The following NCS1 variants were observed in gnomAD, a reference collection of about 807,000 sequenced individuals.
NCS1 encodes the protein neuronal calcium sensor 1.
In NCS1, 6 loss-of-function variants were observed where a neutral mutation model predicts 28.4. The observed-to-expected ratio is 0.21, with a 90% CI of 0.12 to 0.42. The LOEUF (loss-of-function observed/expected upper bound fraction) is 0.42. Among genes scored for constraint, NCS1 ranks in the 10% least tolerant of loss-of-function variants. NCS1 has a pLI of 1.00. For missense variants in NCS1, 131 were observed against 241.4 expected (o/e 0.54, Z 3.03); for synonymous variants, 86 against 99.3 (o/e 0.87, Z 0.79).
intron 2 of NCS1, among the ~76,000 whole-genome samples, chr9:130,208,623 T>C (rs1452258579): frequency 6.6e-6 from 1 of 152,138 alleles, no homozygotes; most frequent in Non-Finnish European, 1.5e-5. Context: ...CCTAGCAATA[T>C]GATAGCAAAA....
rs1467525088 is a variant in NCS1 at position 130,234,684 on chromosome 9, C to A, written c.*1712C>A. 1 of 152,220 alleles carries A rather than the reference C, an allele frequency of 6.6e-6. No individual in the cohort carries two copies. The highest frequency in any genetic ancestry group is 2.4e-5 in the African/African-American group (1 of 41,428). 9.4% of individuals were successfully genotyped at this position (152,220 alleles called of 1,614,324 possible). On this transcript the variant is annotated 3_prime_UTR_variant, in exon 8 of 8. Coordinates refer to ENST00000372398, the MANE Select transcript of NCS1 (RefSeq NM_014286.4). This position sits in a 1 kb window ranked among gnomAD's most constrained non-coding sequence, Gnocchi z 6.1. ...CTGAGTCACAGCACAGCCCCTATTG[C>A]GTGGCTGCTGGTGTGTGGGGTCAGT...
intron 1 of NCS1, among the ~76,000 whole-genome samples, chr9:130,187,126 T>C (rs1446326546): frequency 6.6e-6 from 1 of 151,834 alleles, no homozygotes; most frequent in Non-Finnish European, 1.5e-5. Context: ...AGGAGGAGTG[T>C]CTCGGAAAGC....
At chr9:130,216,101 G>A (rs1358728692) in intron 2 of NCS1, among the ~76,000 whole-genome samples, 3 of 152,180 alleles carry the variant, frequency 2.0e-5, no homozygotes, top group Admixed American at 2.0e-4. Flanking sequence ...ATCCATTCCA[G>A]CCCCTTAGAT....
Position 130,191,343 on chromosome 9 carries a change from C to T in NCS1, c.65-9615C>T, listed in dbSNP as rs1220651258. Among the ~76,000 whole-genome samples the T allele has an allele frequency of 6.6e-6, 1 of 152,088 alleles. No homozygotes were observed. The highest frequency in any genetic ancestry group is 2.4e-5 in the African/African-American group (1 of 41,418). The stretch of plus-strand genomic sequence containing the variant: ...GGGCTGAAGGTTACCTGGCCTGGCC[C>T]GAGTCTGCCCTCCGGGGCCAGGGAC... On this transcript the variant is annotated intron_variant, in intron 1 of 7. Transcript: ENST00000372398. The surrounding 1 kb of genome is among the most constrained non-coding windows in gnomAD (Gnocchi z 6.4).
chr9:130,190,032 A>AAGAGAGAGAGAGAGAGAGAGAGAGAG (rs34529294), intron 1 of NCS1, among the ~76,000 whole-genome samples: 7 of 120,506 alleles, frequency 5.8e-5, no homozygotes, highest in African/African-American at 1.3e-4. Flanking sequence ...ATGTTTATGC[A>AAGAGAGAGAGAGAGAGAGAGAGAGAG]AGAGAGAGAG....
chr9:130,227,885 A>C lies in NCS1; in HGVS notation c.*17+1381A>C, dbSNP rs116198984. ...AGGTCTATCCTGGATTTAGCAGTGC[A>C]AGTTCCCTGTTCTAGGAAACTTCTC... On this transcript the variant is annotated intron_variant, in intron 7 of 7. Coordinates refer to ENST00000372398, the MANE Select transcript of NCS1 (RefSeq NM_014286.4). 6.9e-3 allele frequency among the ~76,000 whole-genome samples: 1,050 copies of C among 152,302 alleles called. 12 individuals carry two copies. The highest frequency in any genetic ancestry group is 0.024 in the African/African-American group (1,015 of 41,548).
rs1216158237 is a variant in NCS1, at chr9:130,191,952, G to T, written c.65-9006G>T. 2.0e-5 allele frequency among the ~76,000 whole-genome samples: 3 copies of T among 152,218 alleles called. No homozygotes were observed. The highest frequency in any genetic ancestry group is 4.4e-5 in the Non-Finnish European group (3 of 68,044). On this transcript the variant is annotated intron_variant, in intron 1 of 7. Transcript: ENST00000372398. The surrounding 1 kb of genome is among the most constrained non-coding windows in gnomAD (Gnocchi z 6.4). ...CTCCCACAGTGGGGACACGTGATGG[G>T]GGGCTGGAGGGCAGAAGGGCTGGGG... is the stretch of plus-strand genomic sequence containing the variant.
chr9:130,222,840 G>A, intron 5 of NCS1, 102 bp downstream of exon 5: 2 of 1,259,324 alleles, frequency 1.6e-6, no homozygotes, highest in Non-Finnish European at 2.3e-6. Context: ...CCTGCCCAGG[G>A]TGGAAGCAGG....
intron 1 of NCS1, among the ~76,000 whole-genome samples, chr9:130,178,380 C>A (rs1832604600): frequency 6.6e-6 from 1 of 152,248 alleles, no homozygotes; most frequent in Non-Finnish European, 1.5e-5. Flanking sequence ...TTAAATGGGA[C>A]CCAGCTTCTC....
chr9:130,217,033 C>G (rs1554909499), intron 2 of NCS1, among the ~76,000 whole-genome samples: 1 of 152,142 alleles, frequency 6.6e-6, no homozygotes, highest in Non-Finnish European at 1.5e-5. Context: ...TTGTGCTAAG[C>G]CCTGTGGTTA....
At chr9:130,182,626 C>T (rs561887114) in intron 1 of NCS1, among the ~76,000 whole-genome samples, 1 of 152,312 alleles carries the variant, frequency 6.6e-6, no homozygotes, top group African/African-American at 2.4e-5. Context: ...CTGGCCTCAA[C>T]GGCTTCCTCA....
intron 2 of NCS1, among the ~76,000 whole-genome samples, chr9:130,203,078 GTGTA>G (rs1462460271): frequency 7.7e-6 from 1 of 130,336 alleles, no homozygotes; most frequent in Non-Finnish European, 1.7e-5. Flanking sequence ...GTGTGTGTGT[GTGTA>G]TACACATACA....
intron 1 of NCS1, among the ~76,000 whole-genome samples, chr9:130,197,501 C>G (rs1554906967): frequency 2.6e-5 from 4 of 152,192 alleles, no homozygotes; most frequent in Non-Finnish European, 5.9e-5. Context: ...CTGGTCGCCT[C>G]TCCACCCCGG....
intron 1 of NCS1, 58 bp downstream of exon 1, chr9:130,172,785 C>A: frequency 1.1e-6 from 1 of 952,362 alleles, no homozygotes; most frequent in Non-Finnish European, 1.4e-6. Context: ...CCACCGCCCC[C>A]GCCCCCGCCC....
chr9:130,184,587 G>A (rs575617390), intron 1 of NCS1, among the ~76,000 whole-genome samples: 35 of 152,238 alleles, frequency 2.3e-4, no homozygotes, highest in African/African-American at 7.7e-4. Flanking sequence ...GCCATGCAGC[G>A]TGCTAGGGCA....
At chr9:130,176,522 A>G (rs1832573983) in intron 1 of NCS1, among the ~76,000 whole-genome samples, 1 of 152,146 alleles carries the variant, frequency 6.6e-6, no homozygotes, top group Non-Finnish European at 1.5e-5. Flanking sequence ...TGACCATACA[A>G]TACAGCTTCA....
In NCS1 at chr9:130,222,065, AAAT is replaced by A. The variant is rs1554910623; in HGVS notation, c.308-584_308-582del. ...TCTATAAATATATATACATAAATAT[AAAT>A]TATGTATCTATAAATATATATATGT... On this transcript the variant is annotated intron_variant, in intron 4 of 7. Coordinates refer to ENST00000372398, the MANE Select transcript of NCS1 (RefSeq NM_014286.4). Among the ~76,000 whole-genome samples, 9 of 133,500 alleles carry A rather than the reference AAAT, an allele frequency of 6.7e-5. 3 individuals carry two copies. The highest frequency in any genetic ancestry group is 2.6e-4 in the African/African-American group (9 of 35,154). 87.6% of individuals were successfully genotyped at this position (133,500 alleles called of 152,430 possible).
chr9:130,232,549 G>A lies in NCS1; in HGVS notation c.*18-441G>A, dbSNP rs1325444864. 1.3e-5 allele frequency among the ~76,000 whole-genome samples: 2 copies of A among 152,318 alleles called. No individual in the cohort carries two copies. The highest frequency in any genetic ancestry group is 2.4e-5 in the African/African-American group (1 of 41,578). ...TGTAATCCCAGCACTTTGGGAGGCC[G>A]AGGCGGGTCTATCATGAGGTCAGGA... On this transcript the variant is annotated intron_variant, in intron 7 of 7. Transcript: ENST00000372398. This position sits in a 1 kb window ranked among gnomAD's most constrained non-coding sequence, Gnocchi z 4.4.
At chr9:130,227,658 G>A (rs532629613) in intron 7 of NCS1, among the ~76,000 whole-genome samples, 20 of 152,310 alleles carry the variant, frequency 1.3e-4, no homozygotes, top group East Asian at 3.9e-4. Context: ...AAGCAGTGAC[G>A]TTGAATGCCT....
Sources: allele counts gnomAD v4.1 joint callset (sites outside exome capture counted in the v4.1 genomes callset), GRCh38; gene constraint gnomAD v4.1.1; non-coding constraint Gnocchi (gnomAD v3.1); transcripts MANE v1.5; gene names NCBI Gene and HGNC (gene_info 2026-07-23, HGNC 2026-07-21).